CCL8: variants seen among roughly 807,000 people sequenced by gnomAD.
The protein encoded by CCL8 is C-C motif chemokine ligand 8, also known as C-C motif chemokine 8.
CCL8 carries 3 observed loss-of-function variants against 6.6 expected under a neutral mutation model. The observed-to-expected ratio is 0.45, with a 90% CI of 0.21 to 1.17. CCL8 has a LOEUF of 1.17. Ranked by LOEUF, CCL8 falls within the 50% of genes most tolerant of loss-of-function variation. The pLI is 0.24. For missense variants in CCL8, 127 were observed against 118.1 expected, an observed-to-expected ratio of 1.08 and a Z score of -0.35; for synonymous variants, 49 against 41.8, an observed-to-expected ratio of 1.17 and a Z score of -0.67.
In CCL8 at chr17:34,321,203, C is replaced by T; in HGVS notation, c.*296C>T. On this transcript the variant is annotated 3_prime_UTR_variant, in exon 3 of 3. Coordinates refer to ENST00000394620, the MANE Select transcript of CCL8 (RefSeq NM_005623.3). Reference sequence around the variant, plus strand: ...TTCACGGCAAAATGTCATTGTTCTCCCTCCTACCTGTCTGTAGTGTTGTGG... The same window carrying T: ...TTCACGGCAAAATGTCATTGTTCTCTCTCCTACCTGTCTGTAGTGTTGTGG... 3.2e-6 allele frequency: 1 copy of T among 309,040 alleles called. No homozygotes were observed. The allele number at this position is 309,040 out of a possible 1,614,324, so 19.1% of individuals were successfully genotyped here.
chr17:34,320,220 C>T (rs1262668153), intron 1 of CCL8, 49 bp from the exon 2 acceptor site: 1 of 1,114,518 alleles, frequency 9.0e-7, no homozygotes, highest in Non-Finnish European at 1.4e-6. Flanking sequence ...TACAAATGCA[C>T]ACTTACGGTG....
rs200807381 is a variant in CCL8, at chr17:34,320,414, T to C, written c.194+28T>C. On this transcript the variant is annotated intron_variant, in intron 2 of 2. Transcript: ENST00000394620. ...GAGTGGACAGTGCCTGGCACCCCCA[T>C]TCAAAAGTTCTGATGGACAACATAG... The C allele has an allele frequency of 1.9e-5, 26 of 1,385,080 alleles. No individual in the cohort carries two copies. In the South Asian group the frequency reaches 2.8e-4, roughly 15 times the overall value. 85.8% of individuals were successfully genotyped at this position (1,385,080 alleles called of 1,614,324 possible).
chr17:34,320,797 C>A lies in CCL8; in HGVS notation c.195-5C>A, dbSNP rs199534921. The A allele has an allele frequency of 2.3e-5, 37 of 1,588,152 alleles. No individual in the cohort carries two copies. Among genetic ancestry groups the A allele is most frequent in the African/African-American group, 9.5e-5 (7 of 73,826 alleles). ...CCATCTAATTGTGCCCTCTCTCCCC[C>A]ACAGCTTCAAGACCAAACGGGGCAA... is the stretch of plus-strand genomic sequence containing the variant. On this transcript the variant is annotated splice_region_variant and splice_polypyrimidine_tract_variant and intron_variant, in intron 2 of 2. Coordinates refer to ENST00000394620, the MANE Select transcript of CCL8 (RefSeq NM_005623.3).
In CCL8 at chr17:34,319,554, G is replaced by T; in HGVS notation, c.53G>T (p.Ser18Ile). Residue 18 changes from serine (S) to isoleucine (I), a missense_variant, in exon 1 of 3, where the codon AGC (serine) becomes ATC (isoleucine). Coordinates refer to ENST00000394620, the MANE Select transcript of CCL8 (RefSeq NM_005623.3). ...CTGCTGCTCATGGCAGCCACTTTCA[G>T]CCCTCAGGGACTTGCTCAGCCAGGT... ...LCLLLMAATF[S>I]PQGLAQPDSV... The T allele has an allele frequency of 6.2e-7, 1 of 1,613,810 alleles. No individual in the cohort carries two copies. Among genetic ancestry groups the T allele is most frequent in the African/African-American group, 1.3e-5 (1 of 75,020 alleles).
In CCL8 at chr17:34,321,101, A is replaced by G. The variant is rs1224685606; in HGVS notation, c.*194A>G. The G allele has an allele frequency of 2.0e-6, 1 of 492,984 alleles. No individual in the cohort carries two copies. The highest frequency in any genetic ancestry group is 3.7e-5 in the East Asian group (1 of 26,764). The allele number at this position is 492,984 out of a possible 1,614,324, so 30.5% of individuals were successfully genotyped here. A position where few individuals can be genotyped will look rare whatever the true frequency, so the allele number is the denominator to read the frequency against. On this transcript the variant is annotated 3_prime_UTR_variant, in exon 3 of 3. Coordinates refer to ENST00000394620, the MANE Select transcript of CCL8 (RefSeq NM_005623.3). ...TGTTGATGTTTTAACTCTATCTGTC[A>G]TACATCCTAGTGAATGTAAAATGCA...
chr17:34,320,280 A>T lies in CCL8; in HGVS notation c.88A>T (p.Ile30Phe), dbSNP rs769159848. 2.7e-5 allele frequency: 44 copies of T among 1,611,944 alleles called. No individual in the cohort carries two copies. The East Asian group carries it at 4.9e-4, about 18-fold the overall frequency. The part of the protein sequence containing the change: ...QGLAQPDSVS[I>F]PITCCFNVIN... ...AAAATTTCTTTCAGATTCAGTTTCC[A>T]TTCCAATCACCTGCTGCTTTAACGT... is the stretch of plus-strand genomic sequence containing the variant. Residue 30 changes from isoleucine (I) to phenylalanine (F), a missense_variant, in exon 2 of 3, where the codon ATT (isoleucine) becomes TTT (phenylalanine). Coordinates refer to ENST00000394620, the MANE Select transcript of CCL8 (RefSeq NM_005623.3).
Position 34,320,902 on chromosome 17 carries a change from C to G in CCL8, c.295C>G (p.Pro99Ala), listed in dbSNP as rs1051939060. The change falls in exon 3 of 3, where the codon CCA (proline) becomes GCA (alanine). Residue 99 changes from proline (P) to alanine (A), a missense_variant. Physicochemically the swap from Pro to Ala is conservative, Grantham distance 27. Transcript: ENST00000394620. ...GGACCAAATATTTCAAAATCTGAAG[C>G]CATGAGCCTTCATACATGGACTGAG... is the stretch of plus-strand genomic sequence containing the variant. ...HLDQIFQNLKP is the reference protein window; with the variant it reads ...HLDQIFQNLKA The G allele has an allele frequency of 6.2e-7, 1 of 1,601,778 alleles. No homozygotes were observed. The highest frequency in any genetic ancestry group is 8.5e-7 in the Non-Finnish European group (1 of 1,172,612).
rs773770346 is a variant in CCL8 at position 34,319,503 on chromosome 17, TGAA to T, written c.4_6del (p.Lys2?). ...AAGCTCACACCCTTGCCCTCCAAGATGAAGGTTTCTGCAGCGCTTCTGTGCCTG... is the reference window on the plus strand; with the variant it reads ...AAGCTCACACCCTTGCCCTCCAAGATGGTTTCTGCAGCGCTTCTGTGCCTG... On this transcript the variant is annotated start_lost and inframe_deletion, in exon 1 of 3. Transcript: ENST00000394620. 14 of 1,613,756 alleles carry T rather than the reference TGAA, an allele frequency of 8.7e-6. No individual in the cohort carries two copies. Among genetic ancestry groups the T allele is most frequent in the Non-Finnish European group, 1.2e-5 (14 of 1,179,756 alleles).
In CCL8 at chr17:34,320,951, A is replaced by G. The variant is rs1909505842; in HGVS notation, c.*44A>G. ...AGAGTCAGAGCTTGAAGAAAAGCTT[A>G]TTTATTTTCCCCAACCTCCCCCAGG... On this transcript the variant is annotated 3_prime_UTR_variant, in exon 3 of 3. Transcript: ENST00000394620. The G allele has an allele frequency of 7.6e-7, 1 of 1,324,054 alleles. No individual in the cohort carries two copies. The highest frequency in any genetic ancestry group is 1.1e-6 in the Non-Finnish European group (1 of 939,756). 82.0% of individuals were successfully genotyped at this position (1,324,054 alleles called of 1,614,324 possible).
intron 1 of CCL8, 148 bp downstream of exon 1, chr17:34,319,725 A>T: frequency 1.6e-6 from 1 of 608,574 alleles, no homozygotes; most frequent in Non-Finnish European, 2.9e-6. Context: ...TTTTGGGAGG[A>T]GACAGTGGAG....
Sources: gnomAD v4.1 joint callset for allele counts on GRCh38, gnomAD v4.1.1 for gene constraint, MANE v1.5 for transcripts, NCBI Gene and HGNC (gene_info 2026-07-23, HGNC 2026-07-21) for gene names.